HIVEP3: variants seen among roughly 807,000 people sequenced by gnomAD.
The protein encoded by HIVEP3 is transcription factor HIVEP3.
In HIVEP3, 49 loss-of-function variants were observed where a neutral mutation model predicts 152.8. The observed-to-expected ratio is 0.32, with a 90% CI of 0.26 to 0.41. The LOEUF (loss-of-function observed/expected upper bound fraction) is 0.41, where lower values mean the gene tolerates loss of function less well. Ranked by LOEUF, HIVEP3 falls within the 10% of genes least tolerant of loss-of-function variation. The probability of loss-of-function intolerance (pLI) is 1.00; values close to 1 mark genes in which losing one functional copy is unlikely to be tolerated. For synonymous variants in HIVEP3, 1,269 were observed against 1,289.0 expected (o/e 0.98, Z 0.33); for missense variants, 2,790 against 3,103.3 (o/e 0.90, Z 2.40).
At chr1:41,784,276 A>G (rs1315763578) in intron 1 of HIVEP3, among the ~76,000 whole-genome samples, 1 of 152,274 alleles carries the variant, frequency 6.6e-6, no homozygotes, top group Non-Finnish European at 1.5e-5. Context: ...AACATGTAGT[A>G]TGAAAAAATA....
At chr1:41,639,512 G>A (rs1362613727) in intron 2 of HIVEP3, among the ~76,000 whole-genome samples, 1 of 152,320 alleles carries the variant, frequency 6.6e-6, no homozygotes, top group Non-Finnish European at 1.5e-5. Flanking sequence ...TATGAACCCA[G>A]TATACAAAAG....
At chr1:41,560,898 C>A (rs773177226) in intron 5 of HIVEP3, among the ~76,000 whole-genome samples, 2 of 152,200 alleles carry the variant, frequency 1.3e-5, no homozygotes, top group Admixed American at 6.5e-5. Context: ...AGATGCCTCA[C>A]CTCAAACCAG....
intron 2 of HIVEP3, among the ~76,000 whole-genome samples, chr1:41,639,839 G>A (rs1429128129): frequency 2.6e-5 from 4 of 152,292 alleles, no homozygotes; most frequent in East Asian, 1.9e-4. Context: ...GCTGACTCAC[G>A]GATGAGTGAG....
At chr1:41,665,716 A>ACACACACACACACACACACG (rs1645786076) in intron 2 of HIVEP3, among the ~76,000 whole-genome samples, 2 of 150,246 alleles carry the variant, frequency 1.3e-5, no homozygotes, top group Non-Finnish European at 3.0e-5. Context: ...ATACACACAC[A>ACACACACACACACACACACG]CACACACACA....
intron 2 of HIVEP3, among the ~76,000 whole-genome samples, chr1:41,641,248 G>C (rs1645367119): frequency 1.3e-5 from 2 of 152,234 alleles, no homozygotes; most frequent in South Asian, 4.1e-4. Context: ...AGTAGGACAG[G>C]GGCAGGGAGT....
At chr1:41,570,350 G>A (rs1352364764) in intron 5 of HIVEP3, among the ~76,000 whole-genome samples, 2 of 152,212 alleles carry the variant, frequency 1.3e-5, no homozygotes, top group Admixed American at 6.5e-5. Context: ...GGAGAGACCA[G>A]GTGGAGGAAT....
chr1:41,738,792 C>A (rs1389235038), intron 1 of HIVEP3, among the ~76,000 whole-genome samples: 1 of 151,820 alleles, frequency 6.6e-6, no homozygotes, highest in Non-Finnish European at 1.5e-5. Context: ...TATAGGGATT[C>A]CTGGGCCCAC....
rs368039636 is a variant in HIVEP3 at position 41,892,103 on chromosome 1, G to A, written c.-801+26310C>T. Among the ~76,000 whole-genome samples the A allele has an allele frequency of 1.5e-4, 23 of 152,270 alleles. No individual in the cohort carries two copies. In the East Asian group the frequency reaches 2.1e-3, roughly 14 times the overall value. On this transcript the variant is annotated intron_variant, in intron 1 of 8. Transcript: ENST00000372583. Reference sequence around the variant, plus strand: ...GTTCTGAACCAGAACTAAAATATTTGGACACCGAAGCTGTGACTACTGATG... The same window carrying A: ...GTTCTGAACCAGAACTAAAATATTTAGACACCGAAGCTGTGACTACTGATG...
chr1:41,984,369 A>G (rs1645310333), intron 1 of HIVEP3, among the ~76,000 whole-genome samples: 1 of 152,194 alleles, frequency 6.6e-6, no homozygotes, highest in Non-Finnish European at 1.5e-5. Flanking sequence ...ATTCAATAAC[A>G]ACATTTTGTT....
intron 5 of HIVEP3, among the ~76,000 whole-genome samples, chr1:41,527,942 C>T (rs575665128): frequency 7.7e-4 from 110 of 143,466 alleles, no homozygotes; most frequent in African/African-American, 2.8e-3. Context: ...ACATGGTCAC[C>T]CTCACACATG....
chr1:41,647,188 C>A (rs1323522392), intron 2 of HIVEP3, among the ~76,000 whole-genome samples: 2 of 152,240 alleles, frequency 1.3e-5, no homozygotes, highest in Non-Finnish European at 2.9e-5. Context: ...CTGGAACCCA[C>A]CATACTCATA....
In HIVEP3 at chr1:41,584,598, C is replaced by T. The variant is rs1644475625; in HGVS notation, c.200G>A (p.Arg67Lys). The T allele has an allele frequency of 6.2e-7, 1 of 1,613,376 alleles. No homozygotes were observed. Among genetic ancestry groups the T allele is most frequent in the African/African-American group, 1.3e-5 (1 of 74,910 alleles). ...QPFPGPSSVL[R>K]EGSQEKTGQQ... ...GCCCGTTTTCTCCTGAGAGCCTTCC[C>T]TAAGAACTGATGAGGGGCCCGGGAA... The change falls in exon 4 of 9, where the codon AGG (arginine) becomes AAG (lysine). Residue 67 changes from arginine to lysine, a missense_variant. Physicochemically the swap from Arg to Lys is conservative, Grantham distance 26. Around this residue, in one of 9 missense-constraint regions of HIVEP3, gnomAD observed 209 missense variants for 237.0 expected, o/e 0.88. Coordinates refer to ENST00000372583, the MANE Select transcript of HIVEP3 (RefSeq NM_024503.5). This position sits in a 1 kb window ranked among gnomAD's most constrained non-coding sequence, Gnocchi z 5.2.
At position 41,581,640 on chromosome 1, in the gene HIVEP3, C is replaced by T; in HGVS notation, c.3158G>A (p.Arg1053Lys). Reference protein sequence around the residue: ...CFLVRQASLSRPPESELEVAP... With the variant: ...CFLVRQASLSKPPESELEVAP... ...AACCTCCAACTCAGATTCTGGAGGCCTGCTCAGAGAGGCCTGTCTCACCAA... is the reference window on the plus strand; with the variant it reads ...AACCTCCAACTCAGATTCTGGAGGCTTGCTCAGAGAGGCCTGTCTCACCAA... Residue 1053 changes from arginine (R) to lysine (K), a missense_variant, in exon 4 of 9, where the codon AGG becomes AAG. Arg to Lys is a conservative substitution (Grantham distance 26). Around this residue, in one of 9 missense-constraint regions of HIVEP3, gnomAD observed 1,078 missense variants for 1,165.3 expected, o/e 0.93. Coordinates refer to ENST00000372583, the MANE Select transcript of HIVEP3 (RefSeq NM_024503.5). This position sits in a 1 kb window ranked among gnomAD's most constrained non-coding sequence, Gnocchi z 4.5. 4 of 1,614,182 alleles carry T rather than the reference C, an allele frequency of 2.5e-6. No homozygotes were observed. The highest frequency in any genetic ancestry group is 3.4e-6 in the Non-Finnish European group (4 of 1,180,020).
chr1:41,929,508 T>G (rs1465219077), intron 1 of HIVEP3, among the ~76,000 whole-genome samples: 1 of 151,824 alleles, frequency 6.6e-6, no homozygotes, highest in Non-Finnish European at 1.5e-5. Context: ...TTCCAAGAAG[T>G]CCTGGCTCCT....
chr1:41,941,142 T>G (rs1247642097), intron 1 of HIVEP3, among the ~76,000 whole-genome samples: 1 of 152,068 alleles, frequency 6.6e-6, no homozygotes, highest in African/African-American at 2.4e-5. Context: ...GAAAAGTGGA[T>G]GGAAGGCAGA....
intron 1 of HIVEP3, among the ~76,000 whole-genome samples, chr1:41,968,898 A>T (rs776590237): frequency 6.6e-6 from 1 of 152,180 alleles, no homozygotes; most frequent in South Asian, 2.1e-4. Context: ...AATCACAAGC[A>T]TTTCTATACA....
rs529643805 is a variant in HIVEP3, at chr1:41,894,111, T to G, written c.-801+24302A>C. ...CAGGGATTACAGGCATGAGCCACCA[T>G]GCCCAGCCTATTTTATATATTTAAC... On this transcript the variant is annotated intron_variant, in intron 1 of 8. Transcript: ENST00000372583. Among the ~76,000 whole-genome samples the G allele has an allele frequency of 6.6e-5, 10 of 152,052 alleles. No homozygotes were observed. In the South Asian group the frequency reaches 1.9e-3, roughly 28 times the overall value.
chr1:41,882,775 T>C (rs1246947359), intron 1 of HIVEP3, among the ~76,000 whole-genome samples: 1 of 152,096 alleles, frequency 6.6e-6, no homozygotes, highest in Non-Finnish European at 1.5e-5. Context: ...GTTGAGTGAG[T>C]GGAACAGAGG....
intron 1 of HIVEP3, among the ~76,000 whole-genome samples, chr1:41,988,348 C>A (rs1299265774): frequency 1.3e-5 from 2 of 151,898 alleles, no homozygotes; most frequent in East Asian, 3.9e-4. Flanking sequence ...TGGGTTAATA[C>A]CCAAAATATA....
Sources: allele counts gnomAD v4.1 joint callset (sites outside exome capture counted in the v4.1 genomes callset), GRCh38; gene constraint gnomAD v4.1.1; regional missense constraint gnomAD v4.1.1; non-coding constraint Gnocchi (gnomAD v3.1); transcripts MANE v1.5; gene names NCBI Gene and HGNC (gene_info 2026-07-23, HGNC 2026-07-21).